The following FRMD4B variants were observed in gnomAD, a reference collection of about 807,000 sequenced individuals.
The protein encoded by FRMD4B is FERM domain containing 4B.
Under a neutral mutation model 141.5 loss-of-function variants are expected in FRMD4B, and 74 were observed. The ratio of observed to expected loss-of-function variants is 0.52; its 90% CI spans 0.43 to 0.63. The LOEUF (loss-of-function observed/expected upper bound fraction) is 0.63, where lower values mean the gene tolerates loss of function less well. FRMD4B is among the 30% of genes least tolerant of loss of function. The probability of loss-of-function intolerance (pLI) is 0.00; values close to 1 mark genes in which losing one functional copy is unlikely to be tolerated. For missense variants in FRMD4B, 1,366 were observed against 1,253.4 expected, an observed-to-expected ratio of 1.09 and a Z score of -1.36; for synonymous variants, 506 against 467.9, an observed-to-expected ratio of 1.08 and a Z score of -1.05.
At chr3:69,338,497 T>C (rs1412474110) in intron 1 of FRMD4B, among the ~76,000 whole-genome samples, 1 of 152,334 alleles carries the variant, frequency 6.6e-6, no homozygotes, top group Non-Finnish European at 1.5e-5. Context: ...TGGAATATTA[T>C]GCAGCCATAA....
chr3:69,199,674 T>C (rs1293975319), intron 11 of FRMD4B, among the ~76,000 whole-genome samples: 1 of 152,158 alleles, frequency 6.6e-6, no homozygotes, highest in Non-Finnish European at 1.5e-5. Context: ...GAACCTCCAG[T>C]TTTTGAACAT....
At chr3:69,383,364 A>C (rs988387574) in intron 1 of FRMD4B, among the ~76,000 whole-genome samples, 2 of 152,240 alleles carry the variant, frequency 1.3e-5, no homozygotes, top group African/African-American at 4.8e-5. Context: ...AATATTTTTG[A>C]AAATCTTATT....
At chr3:69,362,376 C>G (rs1703494137) in intron 1 of FRMD4B, among the ~76,000 whole-genome samples, 1 of 152,192 alleles carries the variant, frequency 6.6e-6, no homozygotes, top group African/African-American at 2.4e-5. Context: ...TCTTCTGCCT[C>G]TCACAATTGT....
intron 1 of FRMD4B, among the ~76,000 whole-genome samples, chr3:69,506,874 A>G (rs1487654777): frequency 6.6e-6 from 1 of 152,180 alleles, no homozygotes; most frequent in Non-Finnish European, 1.5e-5. Flanking sequence ...TCTCAGCTGG[A>G]GACAGTGCAC....
chr3:69,519,134 T>C (rs1204358216), intron 1 of FRMD4B, among the ~76,000 whole-genome samples: 1 of 152,162 alleles, frequency 6.6e-6, no homozygotes, highest in Non-Finnish European at 1.5e-5. Flanking sequence ...TTCAGCCCCT[T>C]TGAGTGGGTG....
intron 1 of FRMD4B, among the ~76,000 whole-genome samples, chr3:69,344,467 G>A (rs759938714): frequency 2.6e-5 from 4 of 152,332 alleles, no homozygotes; most frequent in East Asian, 1.9e-4. Context: ...ATAATTAAGA[G>A]TTACAGAGCA....
intron 11 of FRMD4B, among the ~76,000 whole-genome samples, chr3:69,215,416 C>G (rs1206955838): frequency 6.6e-6 from 1 of 150,532 alleles, no homozygotes; most frequent in African/African-American, 2.4e-5. Flanking sequence ...CCTCAGCCTC[C>G]CGAGTAGCTA....
chr3:69,240,694 C>A (rs1242321060), intron 7 of FRMD4B, among the ~76,000 whole-genome samples: 1 of 152,026 alleles, frequency 6.6e-6, no homozygotes, highest in Non-Finnish European at 1.5e-5. Flanking sequence ...CTTTCCTGAT[C>A]ACACAAAAAA....
intron 2 of FRMD4B, among the ~76,000 whole-genome samples, chr3:69,432,281 GT>G (rs1482517726): frequency 1.3e-5 from 2 of 152,150 alleles, no homozygotes; most frequent in Non-Finnish European, 2.9e-5. Context: ...TTATAAATGC[GT>G]GTATAAATAT....
chr3:69,475,194 T>C (rs546278151), intron 1 of FRMD4B, among the ~76,000 whole-genome samples: 1 of 152,158 alleles, frequency 6.6e-6, no homozygotes, highest in East Asian at 1.9e-4. Flanking sequence ...CTATTTTTTC[T>C]TTTTCTTTTT....
At chr3:69,284,402 C>A (rs142767756) in intron 5 of FRMD4B, among the ~76,000 whole-genome samples, 23 of 152,076 alleles carry the variant, frequency 1.5e-4, no homozygotes, top group African/African-American at 5.1e-4. Context: ...GTGCCTATTC[C>A]CACCAGCCAG....
chr3:69,195,434 A>T, intron 14 of FRMD4B, 70 bp from the exon 15 acceptor site: 2 of 1,289,334 alleles, frequency 1.6e-6, no homozygotes, highest in African/African-American at 1.5e-5. Flanking sequence ...GGGACAAAGG[A>T]TTTTTAAGCT....
chr3:69,384,225 T>C lies in FRMD4B; in HGVS notation c.162+1603A>G, dbSNP rs1481988046. On this transcript the variant is annotated intron_variant, in intron 1 of 22. Coordinates refer to ENST00000398540, the MANE Select transcript of FRMD4B (RefSeq NM_015123.3). ...CAGTGTCTCAAATTGCTATTCTGCA[T>C]AAAAATTATCAGTCAACCTTATAAA... Among the ~76,000 whole-genome samples, 3 of 152,240 alleles carry C rather than the reference T, an allele frequency of 2.0e-5. No homozygotes were observed. The South Asian group carries it at 6.2e-4, about 32-fold the overall frequency.
chr3:69,235,010 T>G (rs2093335288), intron 7 of FRMD4B, among the ~76,000 whole-genome samples: 1 of 151,094 alleles, frequency 6.6e-6, no homozygotes, highest in South Asian at 2.1e-4. Context: ...ATTAGCCGGG[T>G]GTGGTGGTGT....
intron 2 of FRMD4B, among the ~76,000 whole-genome samples, chr3:69,311,926 T>C (rs998155434): frequency 6.6e-6 from 1 of 152,206 alleles, no homozygotes; most frequent in Non-Finnish European, 1.5e-5. Context: ...TTCCATTTTA[T>C]AAATGAGTCA....
intron 1 of FRMD4B, among the ~76,000 whole-genome samples, chr3:69,451,640 C>T (rs992222941): frequency 6.6e-6 from 1 of 152,190 alleles, no homozygotes; most frequent in African/African-American, 2.4e-5. Context: ...TGGTTTGTAG[C>T]TCAGCAATCC....
chr3:69,450,008 T>C (rs6785185), intron 1 of FRMD4B, among the ~76,000 whole-genome samples: 1,737 of 151,148 alleles, frequency 0.011, 32 homozygotes, highest in African/African-American at 0.04. Flanking sequence ...CAGCCTCAGT[T>C]TCCCTGCCAG....
At chr3:69,304,577 G>A (rs1192078321) in intron 3 of FRMD4B, among the ~76,000 whole-genome samples, 1 of 150,934 alleles carries the variant, frequency 6.6e-6, no homozygotes, top group African/African-American at 2.4e-5. Flanking sequence ...ATTTAAGCAC[G>A]TACTTGTTTA....
At chr3:69,242,998 A>AC (rs2093397732) in intron 7 of FRMD4B, among the ~76,000 whole-genome samples, 1 of 151,168 alleles carries the variant, frequency 6.6e-6, no homozygotes, top group Admixed American at 6.6e-5. Flanking sequence ...CTGTCTCAAA[A>AC]AAAAAAAAAA....
Sources: allele counts gnomAD v4.1 joint callset (sites outside exome capture counted in the v4.1 genomes callset), GRCh38; gene constraint gnomAD v4.1.1; transcripts MANE v1.5; gene names NCBI Gene and HGNC (gene_info 2026-07-23, HGNC 2026-07-21).